The following COLQ variants were observed in gnomAD, a reference collection of about 807,000 sequenced individuals.
COLQ encodes acetylcholinesterase collagenic tail peptide.
COLQ carries 48 observed loss-of-function variants against 69.0 expected under a neutral mutation model. That is an observed-to-expected ratio of 0.70 (90% CI 0.55 to 0.88). The LOEUF (loss-of-function observed/expected upper bound fraction) is 0.88. COLQ is among the 40% of genes least tolerant of loss of function. The pLI is 0.00. For synonymous variants in COLQ, 217 were observed against 211.2 expected, an observed-to-expected ratio of 1.03 and a Z score of -0.24; for missense variants, 618 against 594.6, an observed-to-expected ratio of 1.04 and a Z score of -0.41.
At chr3:15,485,752 G>A (rs1318995793) in intron 3 of COLQ, among the ~76,000 whole-genome samples, 1 of 152,180 alleles carries the variant, frequency 6.6e-6, no homozygotes, top group African/African-American at 2.4e-5. Context: ...GAGCCCAGGA[G>A]TTTGAGACCA....
At chr3:15,492,591 C>T (rs558671342) in intron 1 of COLQ, among the ~76,000 whole-genome samples, 110 of 151,778 alleles carry the variant, frequency 7.2e-4, no homozygotes, top group African/African-American at 2.6e-3. Context: ...GGCGTGAACC[C>T]GGGAGGCGGA....
At position 15,477,334 on chromosome 3, in the gene COLQ, G is replaced by A. The variant is rs13095087; in HGVS notation, c.394-137C>T. On this transcript the variant is annotated intron_variant, in intron 5 of 16. Coordinates refer to ENST00000383788, the MANE Select transcript of COLQ (RefSeq NM_005677.4). ...ACTATGACCCTCATCCCCACTCTCCGAAGACTGATGGCCTGACAAGCCCTT... is the reference window on the plus strand; with the variant it reads ...ACTATGACCCTCATCCCCACTCTCCAAAGACTGATGGCCTGACAAGCCCTT... The A allele has an allele frequency of 0.44, 325,604 of 737,084 alleles. 73,520 individuals carry two copies. Among genetic ancestry groups the A allele is most frequent in the African/African-American group, 0.58 (32,925 of 57,238 alleles). The allele number at this position is 737,084 out of a possible 1,614,324, so 45.7% of individuals were successfully genotyped here.
At chr3:15,479,496 G>T in intron 3 of COLQ, 114 bp from the exon 4 acceptor site, 1 of 1,049,424 alleles carries the variant, frequency 9.5e-7, no homozygotes, top group Non-Finnish European at 1.5e-6. Flanking sequence ...CTGGGCAGAT[G>T]TAGGGCTCCA....
chr3:15,465,610 C>CTTTTTTTT (rs71045163), intron 12 of COLQ, among the ~76,000 whole-genome samples: 1 of 94,754 alleles, frequency 1.1e-5, no homozygotes, highest in African/African-American at 4.7e-5. Context: ...CTTTCTACAT[C>CTTTTTTTT]TTTTTTTTTT....
rs141990023 is a variant in COLQ at position 15,519,796 on chromosome 3, T to G, written c.106+1724A>C. On this transcript the variant is annotated intron_variant, in intron 1 of 16. Coordinates refer to ENST00000383788, the MANE Select transcript of COLQ (RefSeq NM_005677.4). ...ACCAGAGGTTCTTTTCTCTCTAGTTTTCTGAACTCCTTAACCACTTTGGTG... is the reference window on the plus strand; with the variant it reads ...ACCAGAGGTTCTTTTCTCTCTAGTTGTCTGAACTCCTTAACCACTTTGGTG... Among the ~76,000 whole-genome samples, 22 of 152,328 alleles carry G rather than the reference T, an allele frequency of 1.4e-4. No individual in the cohort carries two copies. In the East Asian group the frequency reaches 2.3e-3, roughly 16 times the overall value.
At chr3:15,472,253 AT>A (rs2062300971) in intron 10 of COLQ, among the ~76,000 whole-genome samples, 1 of 152,214 alleles carries the variant, frequency 6.6e-6, no homozygotes, top group South Asian at 2.1e-4. Flanking sequence ...TAATCTAAAT[AT>A]TTTTAAGTAA....
intron 1 of COLQ, among the ~76,000 whole-genome samples, chr3:15,504,348 GCTGGTTTGTTTTCTC>G (rs1237016672): frequency 6.6e-6 from 1 of 152,176 alleles, no homozygotes; most frequent in Non-Finnish European, 1.5e-5. Context: ...CCAAGGTGTG[GCTGGTTTGTTTTCTC>G]CTGAGGCCTC....
intron 3 of COLQ, among the ~76,000 whole-genome samples, chr3:15,482,896 T>C (rs1479845653): frequency 6.6e-6 from 1 of 152,234 alleles, no homozygotes; most frequent in African/African-American, 2.4e-5. Context: ...GAGCCTGTTA[T>C]TGGTCAATTC....
chr3:15,477,699 A>G (rs2062404204), intron 5 of COLQ: 1 of 160,920 alleles, frequency 6.2e-6, no homozygotes, highest in African/African-American at 2.4e-5. Flanking sequence ...CTGCCCAGTA[A>G]TTTATGTAAC....
At chr3:15,453,712 G>A (rs2061982138) in intron 16 of COLQ, 117 bp downstream of exon 16, 2 of 731,948 alleles carry the variant, frequency 2.7e-6, no homozygotes, top group South Asian at 3.0e-5. Context: ...ATACCTCAGT[G>A]TCTAGAAGGC....
chr3:15,478,566 C>G (rs941988139), intron 5 of COLQ: 1 of 266,388 alleles, frequency 3.8e-6, no homozygotes, highest in Non-Finnish European at 7.4e-6. Context: ...AGCCAAAAAG[C>G]AAAAGCCATT....
chr3:15,472,652 C>T (rs1184469496), intron 10 of COLQ, among the ~76,000 whole-genome samples: 1 of 152,144 alleles, frequency 6.6e-6, no homozygotes, highest in Non-Finnish European at 1.5e-5. Context: ...CCATGTATGC[C>T]CTTTTCTCTC....
At chr3:15,475,558 C>T in intron 6 of COLQ, 71 bp from the exon 7 acceptor site, 1 of 1,438,904 alleles carries the variant, frequency 6.9e-7, no homozygotes, top group South Asian at 1.2e-5. Flanking sequence ...AAGTCACAGG[C>T]AAGATTGGGA....
intron 12 of COLQ, among the ~76,000 whole-genome samples, chr3:15,460,912 G>A (rs1415329081): frequency 1.3e-5 from 2 of 152,110 alleles, no homozygotes; most frequent in Non-Finnish European, 2.9e-5. Context: ...AAGGCTCTGT[G>A]ACCCCAACAA....
intron 12 of COLQ, among the ~76,000 whole-genome samples, chr3:15,463,599 G>A (rs753567468): frequency 3.3e-5 from 5 of 151,904 alleles, no homozygotes; most frequent in African/African-American, 4.8e-5. Context: ...GCCCACCTCG[G>A]CCTTCCAAAG....
chr3:15,484,550 C>T (rs967582647), intron 3 of COLQ, among the ~76,000 whole-genome samples: 7 of 152,204 alleles, frequency 4.6e-5, no homozygotes, highest in African/African-American at 1.7e-4. Context: ...CTTTCAGGTA[C>T]ACCAATCAGA....
intron 6 of COLQ, 51 bp downstream of exon 6, chr3:15,477,074 TC>T: frequency 1.3e-6 from 2 of 1,508,760 alleles, no homozygotes; most frequent in South Asian, 1.2e-5. Flanking sequence ...GCTGCCATCT[TC>T]CCCCCTCTTG....
Position 15,456,578 on chromosome 3 carries a change from A to G in COLQ, c.956T>C (p.Ile319Thr). ...CTCCTCCTGGTTGTTGACCACAAAAATCTGCCAGAGAACACACTGGTGAGG... is the reference window on the plus strand; with the variant it reads ...CTCCTCCTGGTTGTTGACCACAAAAGTCTGCCAGAGAACACACTGGTGAGG... ...YGPSSPRVPV[I>T]FVVNNQEELE... The change falls in exon 14 of 17, where the codon ATT (isoleucine) becomes ACT (threonine). Residue 319 changes from isoleucine (I) to threonine (T), a missense_variant and splice_region_variant. By Grantham distance (89) the Ile-to-Thr change is moderately conservative (BLOSUM62 -1). Coordinates refer to ENST00000383788, the MANE Select transcript of COLQ (RefSeq NM_005677.4). 6.2e-7 allele frequency: 1 copy of G among 1,614,026 alleles called. No homozygotes were observed. Among genetic ancestry groups the G allele is most frequent in the Non-Finnish European group, 8.5e-7 (1 of 1,180,022 alleles).
chr3:15,497,036 CTTTTTTTTTTTT>C (rs371974104), intron 1 of COLQ, among the ~76,000 whole-genome samples: 1 of 107,530 alleles, frequency 9.3e-6, no homozygotes, highest in Non-Finnish European at 1.8e-5. Context: ...GTCCTTTTGC[CTTTTTTTTTTTT>C]TTTTTTTTTT....
Sources: allele counts gnomAD v4.1 joint callset (sites outside exome capture counted in the v4.1 genomes callset), GRCh38; gene constraint gnomAD v4.1.1; transcripts MANE v1.5; gene names NCBI Gene and HGNC (gene_info 2026-07-23, HGNC 2026-07-21).